The following DNAH7 variants were observed in gnomAD, a reference collection of about 807,000 sequenced individuals.
DNAH7 encodes the protein dynein axonemal heavy chain 7, also known as axonemal beta dynein heavy chain 7.
DNAH7 carries 397 observed loss-of-function variants against 444.6 expected under a neutral mutation model. That is an observed-to-expected ratio of 0.89 (90% confidence interval 0.82 to 0.97). The LOEUF is 0.97. Among genes scored for constraint, DNAH7 ranks in the 50% least tolerant of loss-of-function variants. DNAH7 has a pLI of 0.00. For synonymous variants in DNAH7, 1,636 were observed against 1,624.4 expected (o/e 1.01, Z -0.17); for missense variants, 4,902 against 4,800.8 (o/e 1.02, Z -0.62).
At position 195,787,042 on chromosome 2, in the gene DNAH7, G is replaced by A. The variant is rs2105973579; in HGVS notation, c.10846C>T (p.Gln3616Ter). Residue 3616 changes from glutamine (Q) to a stop codon, truncating the protein, a stop_gained, in exon 58 of 65, where the codon CAG (glutamine) becomes TAG (stop). Coordinates refer to ENST00000312428, the MANE Select transcript of DNAH7 (RefSeq NM_018897.3). LOFTEE classifies it high-confidence loss of function. ...TGGTTCAGGAACATGTGGAGCTGCT[G>A]TACGCTGATTCTCAGATCTGTCTCA... is the stretch of plus-strand genomic sequence containing the variant. Reference protein sequence around the residue: ...FNETDLRISVQQLHMFLNQYE... With the variant: ...FNETDLRISV 1 of 1,606,610 alleles carries A rather than the reference G, an allele frequency of 6.2e-7. No individual in the cohort carries two copies. The highest frequency in any genetic ancestry group is 2.2e-5 in the East Asian group (1 of 44,800).
intron 63 of DNAH7, among the ~76,000 whole-genome samples, chr2:195,747,991 C>T (rs921769849): frequency 1.3e-5 from 2 of 152,126 alleles, no homozygotes; most frequent in Non-Finnish European, 2.9e-5. Flanking sequence ...CCAGGGCAAT[C>T]AGGCAGGAGA....
chr2:195,807,217 T>C (rs1489310545), intron 53 of DNAH7, among the ~76,000 whole-genome samples: 1 of 151,952 alleles, frequency 6.6e-6, no homozygotes, highest in Admixed American at 6.6e-5. Context: ...AGTACAGTGG[T>C]GTGATCTTGG....
rs1051532937 is a variant in DNAH7 at position 195,906,851 on chromosome 2, C to T, written c.4207+56G>A. The T allele has an allele frequency of 6.8e-6, 11 of 1,607,432 alleles. No homozygotes were observed. In the East Asian group the frequency reaches 2.2e-4, roughly 33 times the overall value. On this transcript the variant is annotated intron_variant, in intron 26 of 64. Coordinates refer to ENST00000312428, the MANE Select transcript of DNAH7 (RefSeq NM_018897.3). ...ATATAAACATGAGCTGTGCCATTCACTACCTCTCATATTTCTTTTATTTTC... is the reference window on the plus strand; with the variant it reads ...ATATAAACATGAGCTGTGCCATTCATTACCTCTCATATTTCTTTTATTTTC...
chr2:196,001,186 A>G (rs7557335), intron 11 of DNAH7, among the ~76,000 whole-genome samples: 9,717 of 152,160 alleles, frequency 0.064, 409 homozygotes, highest in African/African-American at 0.11. Flanking sequence ...CTCCAATTCC[A>G]AGGCCCTGCT....
At chr2:196,005,036 C>G (rs986564222) in intron 10 of DNAH7, among the ~76,000 whole-genome samples, 1 of 150,316 alleles carries the variant, frequency 6.7e-6, no homozygotes. Context: ...TTTGGGAGGC[C>G]AAGGCAGGCA....
At chr2:195,792,676 A>G (rs1022878515) in intron 57 of DNAH7, among the ~76,000 whole-genome samples, 1 of 152,202 alleles carries the variant, frequency 6.6e-6, no homozygotes, top group Admixed American at 6.5e-5. Context: ...TATTAAAAGT[A>G]ATAACTGTAC....
intron 4 of DNAH7, 90 bp from the exon 5 acceptor site, chr2:196,047,589 CT>C: frequency 8.7e-7 from 1 of 1,147,280 alleles, no homozygotes; most frequent in East Asian, 2.7e-5. Flanking sequence ...GCTAAATCAC[CT>C]TTTAATAAAA....
At chr2:195,743,110 A>G (rs1350888875) in intron 63 of DNAH7, among the ~76,000 whole-genome samples, 2 of 152,096 alleles carry the variant, frequency 1.3e-5, no homozygotes, top group African/African-American at 4.8e-5. Flanking sequence ...GATGCTTCCC[A>G]CCCTTAAACA....
At position 195,926,550 on chromosome 2, in the gene DNAH7, GT is replaced by G; in HGVS notation, c.3487del (p.Thr1163LeufsTer13). On this transcript the variant is annotated frameshift_variant, in exon 22 of 65. Coordinates refer to ENST00000312428, the MANE Select transcript of DNAH7 (RefSeq NM_018897.3). LOFTEE classifies it high-confidence loss of function. The part of the protein sequence containing the change: ...NSIHKVTGDA[T>X]FAYTKYERIN... ...TCGTTCATATTTTGTATAGGCAAAA[GT>G]TGCATCTCCAGTTACCTAATCAAAA... 6.3e-7 allele frequency: 1 copy of G among 1,598,904 alleles called. No homozygotes were observed. Among genetic ancestry groups the G allele is most frequent in the Non-Finnish European group, 8.5e-7 (1 of 1,174,418 alleles).
At position 195,796,576 on chromosome 2, in the gene DNAH7, C is replaced by T; in HGVS notation, c.10515G>A (p.Glu3505=). Residue 3505 remains glutamate (E), a splice_region_variant and synonymous_variant, in exon 56 of 65, where the codon GAG becomes GAA. Coordinates refer to ENST00000312428, the MANE Select transcript of DNAH7 (RefSeq NM_018897.3). ...SWMPTLEKVC[E]ELSPESTHPD... ...AATAAGTATAAACTTGCATTTTTAC[C>T]TCACAGACTTTCTCAAGGGTTGGCA... The T allele has an allele frequency of 6.2e-7, 1 of 1,613,938 alleles. No homozygotes were observed. Among genetic ancestry groups the T allele is most frequent in the Non-Finnish European group, 8.5e-7 (1 of 1,179,928 alleles).
chr2:196,056,220 G>C (rs1356176338), intron 2 of DNAH7, among the ~76,000 whole-genome samples: 1 of 151,972 alleles, frequency 6.6e-6, no homozygotes, highest in African/African-American at 2.4e-5. Flanking sequence ...CGAGGCGGGC[G>C]GATTACCTGA....
In DNAH7 at chr2:195,954,043, A is replaced by G. The variant is rs554553436; in HGVS notation, c.3078+3218T>C. ...GTCTTTTTTTTAAATTTTATTAATT[A>G]TACTTTAAGTTCTAGGGTACATGTG... On this transcript the variant is annotated intron_variant, in intron 19 of 64. Coordinates refer to ENST00000312428, the MANE Select transcript of DNAH7 (RefSeq NM_018897.3). Among the ~76,000 whole-genome samples the G allele has an allele frequency of 2.0e-5, 3 of 152,334 alleles. No homozygotes were observed. In the South Asian group the frequency reaches 6.2e-4, roughly 32 times the overall value.
At chr2:195,950,379 G>C (rs1178628439) in intron 19 of DNAH7, among the ~76,000 whole-genome samples, 1 of 152,090 alleles carries the variant, frequency 6.6e-6, no homozygotes, top group African/African-American at 2.4e-5. Flanking sequence ...TCTAGGTTTT[G>C]TAGTTTATTT....
At chr2:196,013,371 G>GTT (rs891740746) in intron 9 of DNAH7, among the ~76,000 whole-genome samples, 2 of 151,858 alleles carry the variant, frequency 1.3e-5, no homozygotes, top group African/African-American at 4.8e-5. Flanking sequence ...AGCCTGTCTG[G>GTT]TTTTTTTTAA....
intron 10 of DNAH7, among the ~76,000 whole-genome samples, chr2:196,008,372 C>T (rs762487055): frequency 1.3e-5 from 2 of 152,014 alleles, no homozygotes; most frequent in African/African-American, 4.8e-5. Flanking sequence ...GAAAACAGTG[C>T]GAGTGTTCCT....
At chr2:195,823,523 A>G (rs1431248865) in intron 49 of DNAH7, among the ~76,000 whole-genome samples, 2 of 152,154 alleles carry the variant, frequency 1.3e-5, no homozygotes, top group African/African-American at 2.4e-5. Flanking sequence ...CAATACAGGC[A>G]AGTATTTGAA....
intron 19 of DNAH7, among the ~76,000 whole-genome samples, chr2:195,947,942 C>T (rs1462996032): frequency 6.6e-6 from 1 of 152,080 alleles, no homozygotes; most frequent in Non-Finnish European, 1.5e-5. Context: ...CCTTCACAGC[C>T]CCTCCAGCAT....
At chr2:196,043,537 T>G (rs868324300) in intron 5 of DNAH7, among the ~76,000 whole-genome samples, 1 of 151,992 alleles carries the variant, frequency 6.6e-6, no homozygotes, top group Admixed American at 6.6e-5. Flanking sequence ...CAAAAGTACA[T>G]GCAACAGAAA....
chr2:195,758,157 T>G (rs1053278424), intron 61 of DNAH7, among the ~76,000 whole-genome samples: 1 of 152,208 alleles, frequency 6.6e-6, no homozygotes, highest in African/African-American at 2.4e-5. Flanking sequence ...GAATGTTTCT[T>G]AAACAGCCTA....
Sources: allele counts gnomAD v4.1 joint callset (sites outside exome capture counted in the v4.1 genomes callset), GRCh38; gene constraint gnomAD v4.1.1; transcripts MANE v1.5; gene names NCBI Gene and HGNC (gene_info 2026-07-23, HGNC 2026-07-21).